Variants in PCDH9 observed in about 807,000 individuals in gnomAD.
The protein encoded by PCDH9 is protocadherin-9.
In PCDH9, 24 loss-of-function variants were observed where a neutral mutation model predicts 70.6. The observed-to-expected ratio is 0.34, with a 90% CI of 0.25 to 0.48. The LOEUF (loss-of-function observed/expected upper bound fraction) is 0.48. PCDH9 is among the 20% of genes least tolerant of loss of function. The pLI is 0.99. For missense variants in PCDH9, 1,281 were observed against 1,503.6 expected, an observed-to-expected ratio of 0.85 and a Z score of 2.45; for synonymous variants, 562 against 558.5, an observed-to-expected ratio of 1.01 and a Z score of -0.09.
intron 3 of PCDH9, among the ~76,000 whole-genome samples, chr13:66,754,716 G>A (rs562257244): frequency 6.6e-6 from 1 of 152,230 alleles, no homozygotes; most frequent in South Asian, 2.1e-4. Flanking sequence ...GCTAGCATTT[G>A]TATTGAAACT....
chr13:66,749,861 C>T (rs1277186045), intron 3 of PCDH9, among the ~76,000 whole-genome samples: 2 of 152,046 alleles, frequency 1.3e-5, no homozygotes, highest in Admixed American at 6.6e-5. Flanking sequence ...TCCCTTGCAC[C>T]CTAACTCCAG....
intron 3 of PCDH9, among the ~76,000 whole-genome samples, chr13:66,723,009 C>G (rs796891035): frequency 1.1e-4 from 16 of 149,866 alleles, no homozygotes; most frequent in African/African-American, 3.4e-4. Flanking sequence ...AATGAAAAGA[C>G]TTTTAATTGT....
chr13:67,163,737 T>G (rs879845627), intron 2 of PCDH9, among the ~76,000 whole-genome samples: 1 of 152,228 alleles, frequency 6.6e-6, no homozygotes, highest in Non-Finnish European at 1.5e-5. Context: ...GTAACTTATA[T>G]TGAGGCTTCC....
At chr13:66,382,815 G>C (rs1337954116) in intron 4 of PCDH9, among the ~76,000 whole-genome samples, 1 of 152,154 alleles carries the variant, frequency 6.6e-6, no homozygotes, top group Non-Finnish European at 1.5e-5. Flanking sequence ...TGGATCACTT[G>C]AGGTCAGGAG....
In PCDH9 at chr13:66,841,382, T is replaced by G. The variant is rs368363011; in HGVS notation, c.3138+62122A>C. ...CGCTTGTTTTTCATGTTTAACTAAGTGAACTAGAAGCAGTGAAAATTAAAA... is the reference window on the plus strand; with the variant it reads ...CGCTTGTTTTTCATGTTTAACTAAGGGAACTAGAAGCAGTGAAAATTAAAA... On this transcript the variant is annotated intron_variant, in intron 3 of 4. Transcript: ENST00000377865. Among the ~76,000 whole-genome samples the G allele has an allele frequency of 2.0e-5, 3 of 152,144 alleles. No homozygotes were observed. The East Asian group carries it at 5.8e-4, about 29-fold the overall frequency.
At chr13:66,867,038 T>G (rs552498942) in intron 3 of PCDH9, among the ~76,000 whole-genome samples, 33 of 152,014 alleles carry the variant, frequency 2.2e-4, no homozygotes, top group Admixed American at 6.6e-4. Context: ...TTTTGGCATT[T>G]AACAATTAAT....
intron 4 of PCDH9, among the ~76,000 whole-genome samples, chr13:66,490,413 CA>C (rs1959015390): frequency 6.6e-6 from 1 of 152,116 alleles, no homozygotes; most frequent in South Asian, 2.1e-4. Flanking sequence ...TGTTGCTGTC[CA>C]TCTCTTCTAA....
chr13:66,782,652 C>T (rs1286797289), intron 3 of PCDH9: 1 of 152,070 alleles, frequency 6.6e-6, no homozygotes, highest in Non-Finnish European at 1.5e-5. Flanking sequence ...TTTATTTTCG[C>T]CATTCCTTTT....
chr13:67,181,839 T>A (rs1194146220), intron 2 of PCDH9, among the ~76,000 whole-genome samples: 1 of 152,212 alleles, frequency 6.6e-6, no homozygotes. Flanking sequence ...TATCTTCCAA[T>A]GGTTTATTCT....
intron 2 of PCDH9, among the ~76,000 whole-genome samples, chr13:66,987,977 G>A (rs1323926): frequency 0.89 from 134,837 of 151,788 alleles, 61,539 homozygotes; most frequent in East Asian, 1. Flanking sequence ...TAGCTTATTG[G>A]GCTCAATAAG....
rs939115266 is a variant in PCDH9 at position 67,227,886 on chromosome 13, C to T, written c.555G>A (p.Gln185=). ...GVQHYELLNG[Q]SVFGLDIVET... is the part of the protein sequence containing the mutation. Reference sequence around the variant, plus strand: ...CCACGATATCCAGTCCAAAAACACTCTGCCCATTTAACAATTCATAATGCT... The same window carrying T: ...CCACGATATCCAGTCCAAAAACACTTTGCCCATTTAACAATTCATAATGCT... Residue 185 remains glutamine, a synonymous_variant, in exon 2 of 5, where the codon CAG becomes CAA. Coordinates refer to ENST00000377865, the MANE Select transcript of PCDH9 (RefSeq NM_203487.3). This position sits in a 1 kb window ranked among gnomAD's most constrained non-coding sequence, Gnocchi z 4.6. The T allele has an allele frequency of 3.7e-6, 6 of 1,613,930 alleles. No homozygotes were observed. Among genetic ancestry groups the T allele is most frequent in the African/African-American group, 2.7e-5 (2 of 74,934 alleles).
At chr13:67,044,238 G>A (rs191640409) in intron 2 of PCDH9, among the ~76,000 whole-genome samples, 64 of 152,096 alleles carry the variant, frequency 4.2e-4, no homozygotes, top group Admixed American at 8.5e-4. Context: ...TTGTTCAATC[G>A]AGAGAAAAAT....
intron 4 of PCDH9, among the ~76,000 whole-genome samples, chr13:66,558,066 G>A (rs1961817196): frequency 6.6e-6 from 1 of 152,100 alleles, no homozygotes; most frequent in African/African-American, 2.4e-5. Flanking sequence ...GAGGCAGAAG[G>A]ATTGCTTGTG....
In PCDH9 at chr13:67,154,647, T is replaced by C. The variant is rs9529195; in HGVS notation, c.3036+70758A>G. On this transcript the variant is annotated intron_variant, in intron 2 of 4. Coordinates refer to ENST00000377865, the MANE Select transcript of PCDH9 (RefSeq NM_203487.3). ...ACACACACACACACACACACACACA[T>C]ACAAGATACTCTCTTTTTTGATAAC... Among the ~76,000 whole-genome samples the C allele has an allele frequency of 4.3e-3, 399 of 93,116 alleles. 6 individuals are homozygous for C. The highest frequency in any genetic ancestry group is 0.013 in the African/African-American group (325 of 25,746). The allele number at this position is 93,116 out of a possible 152,430, so 61.1% of individuals were successfully genotyped here. A position where few individuals can be genotyped will look rare whatever the true frequency, so the allele number is the denominator to read the frequency against.
chr13:67,086,705 C>G (rs2086115117), intron 2 of PCDH9, among the ~76,000 whole-genome samples: 1 of 152,022 alleles, frequency 6.6e-6, no homozygotes, highest in Non-Finnish European at 1.5e-5. Context: ...TATAAAAGAG[C>G]AAAGTGGCTG....
intron 3 of PCDH9, among the ~76,000 whole-genome samples, chr13:66,670,385 A>G (rs1433342834): frequency 1.3e-5 from 2 of 152,204 alleles, no homozygotes; most frequent in Non-Finnish European, 2.9e-5. Context: ...AAAATATGGC[A>G]TAGAGTATTT....
At chr13:66,395,434 C>T (rs971653770) in intron 4 of PCDH9, among the ~76,000 whole-genome samples, 2 of 151,976 alleles carry the variant, frequency 1.3e-5, no homozygotes, top group African/African-American at 4.8e-5. Flanking sequence ...AACCCCGTCT[C>T]TACCAAAAAT....
At chr13:66,360,525 C>G (rs1956452534) in intron 4 of PCDH9, among the ~76,000 whole-genome samples, 2 of 152,198 alleles carry the variant, frequency 1.3e-5, no homozygotes, top group Middle Eastern at 3.4e-3. Flanking sequence ...TTAAAGGAGA[C>G]ATGAAATAGT....
intron 4 of PCDH9, among the ~76,000 whole-genome samples, chr13:66,540,156 TGAGCCATTG>T (rs1435070903): frequency 1.3e-5 from 2 of 152,088 alleles, no homozygotes; most frequent in Non-Finnish European, 2.9e-5. Context: ...ATTACAAGTG[TGAGCCATTG>T]TTCCTGGCAA....
Sources: gnomAD v4.1 joint callset for allele counts (sites outside exome capture counted in the v4.1 genomes callset) on GRCh38, gnomAD v4.1.1 for gene constraint, Gnocchi (gnomAD v3.1) non-coding constraint, MANE v1.5 for transcripts, NCBI Gene and HGNC (gene_info 2026-07-23, HGNC 2026-07-21) for gene names.